The following EMILIN2 variants were observed in gnomAD, a reference collection of about 807,000 sequenced individuals.
EMILIN2 encodes elastin microfibril interfacer 2.
EMILIN2 carries 71 observed loss-of-function variants against 87.1 expected under a neutral mutation model. The ratio of observed to expected loss-of-function variants is 0.82; its 90% CI spans 0.67 to 0.99. EMILIN2 has a LOEUF of 0.99. Ranked by LOEUF, EMILIN2 falls within the 50% of genes least tolerant of loss-of-function variation. EMILIN2 has a pLI of 0.00. For synonymous variants in EMILIN2, 581 were observed against 563.4 expected, an observed-to-expected ratio of 1.03 and a Z score of -0.44; for missense variants, 1,407 against 1,371.8, an observed-to-expected ratio of 1.03 and a Z score of -0.40.
intron 3 of EMILIN2, among the ~76,000 whole-genome samples, chr18:2,889,851 A>G (rs985300716): frequency 1.6e-4 from 24 of 151,910 alleles, no homozygotes; most frequent in African/African-American, 5.3e-4. Context: ...GCATTCTTTG[A>G]CGTAGTGAAT....
Position 2,913,225 on chromosome 18 carries a change from C to T in EMILIN2, c.2983C>T (p.Pro995Ser), listed in dbSNP as rs2076950724. Reference sequence around the variant, plus strand: ...GAGAGAGTTCCTGGAATACCACCGCCCTCCAGGAGCTTTGCATACCTGCGG... The same window carrying T: ...GAGAGAGTTCCTGGAATACCACCGCTCTCCAGGAGCTTTGCATACCTGCGG... ...YRREFLEYHR[P>S]PGALHTCGGP... The change falls in exon 8 of 8, where the codon CCT becomes TCT. Residue 995 changes from proline to serine, a missense_variant. Pro to Ser is a moderately conservative substitution (Grantham distance 74). Coordinates refer to ENST00000254528, the MANE Select transcript of EMILIN2 (RefSeq NM_032048.3). 3 of 1,614,112 alleles carry T rather than the reference C, an allele frequency of 1.9e-6. No homozygotes were observed. The highest frequency in any genetic ancestry group is 1.1e-5 in the South Asian group (1 of 91,090).
chr18:2,893,211 G>A lies in EMILIN2; in HGVS notation c.2359+725G>A, dbSNP rs183498968. On this transcript the variant is annotated intron_variant, in intron 4 of 7. Coordinates refer to ENST00000254528, the MANE Select transcript of EMILIN2 (RefSeq NM_032048.3). ...GTAGAATCAGGCTGGTGAGCTCAGA[G>A]TTGGGGTCAGATTTTTGGCATAACA... Among the ~76,000 whole-genome samples the A allele has an allele frequency of 4.6e-5, 7 of 152,332 alleles. No individual in the cohort carries two copies. The East Asian group carries it at 1.3e-3, about 29-fold the overall frequency.
chr18:2,910,315 G>C (rs2076934676), intron 7 of EMILIN2, among the ~76,000 whole-genome samples: 1 of 152,210 alleles, frequency 6.6e-6, no homozygotes, highest in African/African-American at 2.4e-5. Context: ...CTCTGCAACA[G>C]AATCCCTTCA....
rs570387039 is a variant in EMILIN2 at position 2,905,916 on chromosome 18, G to A, written c.2360-867G>A. 5.3e-5 allele frequency among the ~76,000 whole-genome samples: 8 copies of A among 152,196 alleles called. No homozygotes were observed. In the South Asian group the frequency reaches 8.3e-4, roughly 16 times the overall value. On this transcript the variant is annotated intron_variant, in intron 4 of 7. Coordinates refer to ENST00000254528, the MANE Select transcript of EMILIN2 (RefSeq NM_032048.3). The stretch of plus-strand genomic sequence containing the variant: ...TGGGATTACGGGCGTGAGCCACCGC[G>A]CCCGGCCCGCTTAGGGAGTTTTAAA...
rs905282009 is a variant in EMILIN2, at chr18:2,848,955, C to G, written c.257+1024C>G. On this transcript the variant is annotated intron_variant, in intron 2 of 7. Transcript: ENST00000254528. This position sits in a 1 kb window ranked among gnomAD's most constrained non-coding sequence, Gnocchi z 4.1. ...ATGGGAAGTGGTCGCTGGGTCCACCCCACGTGGGCTTCTGGAGGAGCTGCC... is the reference window on the plus strand; with the variant it reads ...ATGGGAAGTGGTCGCTGGGTCCACCGCACGTGGGCTTCTGGAGGAGCTGCC... 4.6e-5 allele frequency among the ~76,000 whole-genome samples: 7 copies of G among 152,156 alleles called. No individual in the cohort carries two copies. Among genetic ancestry groups the G allele is most frequent in the Non-Finnish European group, 8.8e-5 (6 of 68,034 alleles).
At position 2,847,034 on chromosome 18, in the gene EMILIN2, AG is replaced by A; in HGVS notation, c.-150del. 1.1e-5 allele frequency: 12 copies of A among 1,055,060 alleles called. No individual in the cohort carries two copies. The South Asian group carries it at 1.3e-4, about 11-fold the overall frequency. 65.4% of individuals were successfully genotyped at this position (1,055,060 alleles called of 1,614,324 possible). On this transcript the variant is annotated 5_prime_UTR_variant, in exon 1 of 8. Coordinates refer to ENST00000254528, the MANE Select transcript of EMILIN2 (RefSeq NM_032048.3). The surrounding 1 kb of genome is among the most constrained non-coding windows in gnomAD (Gnocchi z 4.5). ...AGGAGAAGTAGGAACGAGAAGCCGG[AG>A]GGGGCGGCCGCGGAGCACTGGTTGG...
intron 4 of EMILIN2, among the ~76,000 whole-genome samples, chr18:2,904,308 T>C (rs2076900274): frequency 6.6e-6 from 1 of 152,244 alleles, no homozygotes; most frequent in Non-Finnish European, 1.5e-5. Context: ...TCAGTAATTG[T>C]GCTGGCATCT....
In EMILIN2 at chr18:2,891,101, TGA is replaced by T; in HGVS notation, c.980_981del (p.Glu327GlyfsTer12). Reference sequence around the variant, plus strand: ...TATGTGGACAGTAAGATCGACGCCCTGAGAGAGGAGCTCATGGAGGGCATGGA... The same window carrying T: ...TATGTGGACAGTAAGATCGACGCCCTGAGAGGAGCTCATGGAGGGCATGGA... On this transcript the variant is annotated frameshift_variant, in exon 4 of 8. Coordinates refer to ENST00000254528, the MANE Select transcript of EMILIN2 (RefSeq NM_032048.3). LOFTEE classifies it high-confidence loss of function. This position sits in a 1 kb window ranked among gnomAD's most constrained non-coding sequence, Gnocchi z 4.6. The T allele has an allele frequency of 1.2e-6, 2 of 1,614,052 alleles. No individual in the cohort carries two copies. The highest frequency in any genetic ancestry group is 1.7e-6 in the Non-Finnish European group (2 of 1,180,012).
intron 2 of EMILIN2, 131 bp from the exon 3 acceptor site, chr18:2,884,833 C>A: frequency 1.1e-6 from 1 of 928,800 alleles, no homozygotes; most frequent in Non-Finnish European, 1.5e-6. Flanking sequence ...AGGAGACCAA[C>A]ATCCCCTCTG....
intron 3 of EMILIN2, among the ~76,000 whole-genome samples, chr18:2,888,211 G>C (rs1477022777): frequency 6.6e-6 from 1 of 152,030 alleles, no homozygotes; most frequent in Non-Finnish European, 1.5e-5. Context: ...TGTAATTGTA[G>C]GGTCAAAAGA....
Position 2,885,025 on chromosome 18 carries a change from T to C in EMILIN2, c.319T>C (p.Trp107Arg). 1 of 1,613,888 alleles carries C rather than the reference T, an allele frequency of 6.2e-7. No homozygotes were observed. The highest frequency in any genetic ancestry group is 8.5e-7 in the Non-Finnish European group (1 of 1,179,908). Residue 107 changes from tryptophan (W) to arginine (R), a missense_variant, in exon 3 of 8, where the codon TGG becomes CGG. By Grantham distance (101) the Trp-to-Arg change is moderately radical. Transcript: ENST00000254528. ...TRYKTVTQLE[W>R]RCCPGFRGGD... Reference sequence around the variant, plus strand: ...GTATAAGACAGTGACACAGTTGGAATGGAGGTGCTGTCCTGGCTTTAGAGG... The same window carrying C: ...GTATAAGACAGTGACACAGTTGGAACGGAGGTGCTGTCCTGGCTTTAGAGG...
intron 4 of EMILIN2, among the ~76,000 whole-genome samples, chr18:2,898,935 A>G (rs1326659540): frequency 1.3e-5 from 2 of 152,116 alleles, no homozygotes; most frequent in Admixed American, 1.3e-4. Context: ...CGCCCCCTTT[A>G]TCCTGTAGGC....
rs183667478 is a variant in EMILIN2, at chr18:2,910,197, A to G, written c.2824+378A>G. Among the ~76,000 whole-genome samples the G allele has an allele frequency of 3.3e-3, 500 of 152,260 alleles. 2 individuals carry two copies. Among genetic ancestry groups the G allele is most frequent in the Non-Finnish European group, 6.0e-3 (406 of 68,008 alleles). On this transcript the variant is annotated intron_variant, in intron 7 of 7. Transcript: ENST00000254528. ...TTGCACCCCTCTCTCAGGCTCCGAC[A>G]GTCATCCTGACAACCTGGGCCAGGA...
At position 2,891,332 on chromosome 18, in the gene EMILIN2, A is replaced by G; in HGVS notation, c.1205A>G (p.Asn402Ser). 2 of 1,614,236 alleles carry G rather than the reference A, an allele frequency of 1.2e-6. No homozygotes were observed. Among genetic ancestry groups the G allele is most frequent in the Non-Finnish European group, 1.7e-6 (2 of 1,180,042 alleles). Residue 402 changes from asparagine (N) to serine (S), a missense_variant, in exon 4 of 8, where the codon AAT becomes AGT. Asn to Ser is a conservative substitution (Grantham distance 46). Coordinates refer to ENST00000254528, the MANE Select transcript of EMILIN2 (RefSeq NM_032048.3). This position sits in a 1 kb window ranked among gnomAD's most constrained non-coding sequence, Gnocchi z 4.6. ...GCAAATTGCTGCGACAGTGAAAAGA[A>G]TGGTGACATTGGTCAACAGATCAAG... is the stretch of plus-strand genomic sequence containing the variant. The part of the protein sequence containing the change: ...AQANCCDSEK[N>S]GDIGQQIKTL...
rs111725137 is a variant in EMILIN2 at position 2,847,891 on chromosome 18, A to G, written c.217A>G (p.Asn73Asp). The G allele has an allele frequency of 1.8e-5, 29 of 1,613,310 alleles. No individual in the cohort carries two copies. In the African/African-American group the frequency reaches 3.5e-4, roughly 19 times the overall value. ...TGAGAGTTTTATTCAGGCTCAGTACAACTGTGCCTGGAACCAGATGCCCTG... is the reference window on the plus strand; with the variant it reads ...TGAGAGTTTTATTCAGGCTCAGTACGACTGTGCCTGGAACCAGATGCCCTG... ...GSESFIQAQY[N>D]CAWNQMPCPS... The change falls in exon 2 of 8, where the codon AAC (asparagine) becomes GAC (aspartate). Residue 73 changes from asparagine to aspartate, a missense_variant. By Grantham distance (23) the Asn-to-Asp change is conservative. Coordinates refer to ENST00000254528, the MANE Select transcript of EMILIN2 (RefSeq NM_032048.3). This position sits in a 1 kb window ranked among gnomAD's most constrained non-coding sequence, Gnocchi z 4.5.
Position 2,891,679 on chromosome 18 carries a change from C to A in EMILIN2, c.1552C>A (p.Pro518Thr), listed in dbSNP as rs773977935. The A allele has an allele frequency of 6.2e-7, 1 of 1,613,980 alleles. No homozygotes were observed. Among genetic ancestry groups the A allele is most frequent in the Non-Finnish European group, 8.5e-7 (1 of 1,180,032 alleles). Residue 518 changes from proline to threonine, a missense_variant, in exon 4 of 8, where the codon CCC (proline) becomes ACC (threonine). Transcript: ENST00000254528. The surrounding 1 kb of genome is among the most constrained non-coding windows in gnomAD (Gnocchi z 4.6). ...CAATAACACTGGTGCAGAGCTCAGT[C>A]CCCCAGGGGCAGCAGCCCTGCCAGG... is the stretch of plus-strand genomic sequence containing the variant. ...MTNNTGAELS[P>T]PGAAALPGVS...
At chr18:2,893,746 A>G (rs1598500907) in intron 4 of EMILIN2, among the ~76,000 whole-genome samples, 1 of 152,110 alleles carries the variant, frequency 6.6e-6, no homozygotes. Context: ...TGGTCACTTC[A>G]GGGGGACTGA....
chr18:2,848,030 C>T lies in EMILIN2; in HGVS notation c.257+99C>T, dbSNP rs946207722. 6 of 1,361,914 alleles carry T rather than the reference C, an allele frequency of 4.4e-6. No individual in the cohort carries two copies. The highest frequency in any genetic ancestry group is 5.8e-6 in the Non-Finnish European group (6 of 1,029,878). 84.4% of individuals were successfully genotyped at this position (1,361,914 alleles called of 1,614,324 possible). A position where few individuals can be genotyped will look rare whatever the true frequency, so the allele number is the denominator to read the frequency against. On this transcript the variant is annotated intron_variant, in intron 2 of 7. Transcript: ENST00000254528. The surrounding 1 kb of genome is among the most constrained non-coding windows in gnomAD (Gnocchi z 4.1). Reference sequence around the variant, plus strand: ...CTGGGCTCCAGTCCCTCCGGTAAATCCCTTCCAGATCCGGTGAAAAGCCCG... The same window carrying T: ...CTGGGCTCCAGTCCCTCCGGTAAATTCCTTCCAGATCCGGTGAAAAGCCCG...
intron 7 of EMILIN2, among the ~76,000 whole-genome samples, 159 bp downstream of exon 7, chr18:2,909,978 T>C (rs1021698984): frequency 1.3e-5 from 2 of 152,248 alleles, no homozygotes; most frequent in Non-Finnish European, 1.5e-5. Context: ...TCTGCCCGAC[T>C]CTGTGGGCTT....
Sources: allele counts gnomAD v4.1 joint callset (sites outside exome capture counted in the v4.1 genomes callset), GRCh38; gene constraint gnomAD v4.1.1; non-coding constraint Gnocchi (gnomAD v3.1); transcripts MANE v1.5; gene names NCBI Gene and HGNC (gene_info 2026-07-23, HGNC 2026-07-21).